QSOX1: variants seen among roughly 807,000 people sequenced by gnomAD.
The protein encoded by QSOX1 is sulfhydryl oxidase 1.
Under a neutral mutation model 76.1 loss-of-function variants are expected in QSOX1, and 40 were observed. That is an observed-to-expected ratio of 0.53 (90% CI 0.41 to 0.68). The LOEUF is 0.68. Ranked by LOEUF, QSOX1 falls within the 30% of genes least tolerant of loss-of-function variation. The probability of loss-of-function intolerance (pLI) is 0.00; values close to 1 mark genes in which losing one functional copy is unlikely to be tolerated. For synonymous variants in QSOX1, 392 were observed against 413.1 expected (o/e 0.95, Z 0.62); for missense variants, 931 against 974.3 (o/e 0.96, Z 0.59).
At chr1:180,166,833 T>C (rs1008576333) in intron 2 of QSOX1, among the ~76,000 whole-genome samples, 2 of 152,190 alleles carry the variant, frequency 1.3e-5, no homozygotes, top group Non-Finnish European at 2.9e-5. Flanking sequence ...GGATTCAGGC[T>C]CTGACCCACC....
At position 180,196,183 on chromosome 1, in the gene QSOX1, G is replaced by C; in HGVS notation, c.1469-79G>C. The C allele has an allele frequency of 4.0e-6, 6 of 1,503,022 alleles. No homozygotes were observed. The highest frequency in any genetic ancestry group is 5.4e-6 in the Non-Finnish European group (6 of 1,115,870). 93.1% of individuals were successfully genotyped at this position (1,503,022 alleles called of 1,614,324 possible). A position where few individuals can be genotyped will look rare whatever the true frequency, so the allele number is the denominator to read the frequency against. On this transcript the variant is annotated intron_variant, in intron 11 of 11. Transcript: ENST00000367602. The surrounding 1 kb of genome is among the most constrained non-coding windows in gnomAD (Gnocchi z 4.1). ...CCTTTCTGCAGACAAGGAAGCTGGC[G>C]TTCTGAGTGGAGGAGTGTGGTCTGG...
chr1:180,163,054 T>C (rs547138276), intron 1 of QSOX1, among the ~76,000 whole-genome samples: 5 of 152,016 alleles, frequency 3.3e-5, no homozygotes, highest in Non-Finnish European at 7.4e-5. Flanking sequence ...AACAGATCAA[T>C]ACTTCAAGAA....
At position 180,157,343 on chromosome 1, in the gene QSOX1, G is replaced by T. The variant is rs540514681; in HGVS notation, c.265+2171G>T. Among the ~76,000 whole-genome samples, 6 of 152,330 alleles carry T rather than the reference G, an allele frequency of 3.9e-5. No homozygotes were observed. The East Asian group carries it at 5.8e-4, about 15-fold the overall frequency. ...ATGTCCTCCACTCTAACCCAAAGGG[G>T]TGTTCCCTGGTGAGGCCCTGCTGAG... On this transcript the variant is annotated intron_variant, in intron 1 of 11. Coordinates refer to ENST00000367602, the MANE Select transcript of QSOX1 (RefSeq NM_002826.5).
chr1:180,170,736 C>T (rs997085098), intron 2 of QSOX1, among the ~76,000 whole-genome samples: 3 of 152,228 alleles, frequency 2.0e-5, no homozygotes, highest in Admixed American at 6.5e-5. Context: ...AATAAGGATA[C>T]ATTTTAATCA....
At position 180,196,941 on chromosome 1, in the gene QSOX1, C is replaced by G. The variant is rs1053116163; in HGVS notation, c.2148C>G (p.Leu716=). The part of the protein sequence containing the change: ...SYLDISLCVG[L]YSLSFMGLLA... ...TGGACATCAGCCTCTGTGTGGGGCT[C>G]TATTCCCTGTCCTTCATGGGCCTGC... is the stretch of plus-strand genomic sequence containing the variant. Residue 716 remains leucine (L), a synonymous_variant, in exon 12 of 12, where the codon CTC becomes CTG. Transcript: ENST00000367602. The surrounding 1 kb of genome is among the most constrained non-coding windows in gnomAD (Gnocchi z 4.1). 3 of 1,607,898 alleles carry G rather than the reference C, an allele frequency of 1.9e-6. No individual in the cohort carries two copies. The highest frequency in any genetic ancestry group is 1.1e-5 in the South Asian group (1 of 90,328).
At chr1:180,171,275 T>C (rs1485067581) in intron 2 of QSOX1, among the ~76,000 whole-genome samples, 4 of 152,176 alleles carry the variant, frequency 2.6e-5, no homozygotes, top group Non-Finnish European at 5.9e-5. Context: ...AGAGGACTTT[T>C]GAAGAGGTAA....
chr1:180,178,764 C>T (rs774448831), intron 4 of QSOX1, 30 bp from the exon 5 acceptor site: 23 of 1,593,992 alleles, frequency 1.4e-5, no homozygotes, highest in African/African-American at 2.7e-5. Context: ...GCTGGCTGTG[C>T]AGAGTGACTG....
intron 2 of QSOX1, among the ~76,000 whole-genome samples, chr1:180,169,717 A>G (rs890239932): frequency 3.9e-5 from 6 of 152,342 alleles, no homozygotes; most frequent in African/African-American, 1.4e-4. Context: ...GTGGCAGTCC[A>G]TCCATCTGTC....
Position 180,196,057 on chromosome 1 carries a change from GCCT to G in QSOX1, c.1469-196_1469-194del, listed in dbSNP as rs1344818837. ...CCGGGGCTGAGGGGTAGGTGGATCT[GCCT>G]CCTCCTCCATGCTGCCATCTGTTGA... is the stretch of plus-strand genomic sequence containing the variant. On this transcript the variant is annotated intron_variant, in intron 11 of 11. Transcript: ENST00000367602. This position sits in a 1 kb window ranked among gnomAD's most constrained non-coding sequence, Gnocchi z 4.1. Among the ~76,000 whole-genome samples the G allele has an allele frequency of 1.3e-5, 2 of 152,144 alleles. No homozygotes were observed. Among genetic ancestry groups the G allele is most frequent in the Non-Finnish European group, 2.9e-5 (2 of 68,018 alleles).
rs879505684 is a variant in QSOX1, at chr1:180,154,959, C to CTGCTGT, written c.53_58dup (p.Leu18_Leu19dup). 8.7e-5 allele frequency: 130 copies of CTGCTGT among 1,500,452 alleles called. No homozygotes were observed. In the East Asian group the frequency reaches 3.6e-3, roughly 41 times the overall value. 92.9% of individuals were successfully genotyped at this position (1,500,452 alleles called of 1,614,324 possible). A position where few individuals can be genotyped will look rare whatever the true frequency, so the allele number is the denominator to read the frequency against. ...GCCGCCGCCGTCGCTGCTGCTGCTG[C>CTGCTGT]TGCTGTGGCTGCTCGCGGTTCCCGG... On this transcript the variant is annotated inframe_insertion, in exon 1 of 12. Coordinates refer to ENST00000367602, the MANE Select transcript of QSOX1 (RefSeq NM_002826.5).
intron 1 of QSOX1, among the ~76,000 whole-genome samples, chr1:180,165,646 C>T (rs1276961791): frequency 1.3e-5 from 2 of 152,264 alleles, no homozygotes; most frequent in East Asian, 3.8e-4. Flanking sequence ...CCACTGCCCT[C>T]TCACGGCTTG....
rs902177334 is a variant in QSOX1 at position 180,201,028 on chromosome 1, C to G, written c.*3991C>G. On this transcript the variant is annotated 3_prime_UTR_variant, in exon 12 of 12. Coordinates refer to ENST00000367602, the MANE Select transcript of QSOX1 (RefSeq NM_002826.5). ...AGGCTGAAGTGCCCTGTCTCGGGTC[C>G]TTGTTTTTAGGCCTCGTTTGAAGGA... 2 of 152,194 alleles carry G rather than the reference C, an allele frequency of 1.3e-5. No individual in the cohort carries two copies. The highest frequency in any genetic ancestry group is 1.3e-4 in the Admixed American group (2 of 15,282). The allele number at this position is 152,194 out of a possible 1,614,324, so 9.4% of individuals were successfully genotyped here.
At chr1:180,180,208 T>G (rs1245710536) in intron 5 of QSOX1, among the ~76,000 whole-genome samples, 1 of 152,234 alleles carries the variant, frequency 6.6e-6, no homozygotes, top group East Asian at 1.9e-4. Context: ...TTATATTTAT[T>G]TATTTATTTT....
intron 1 of QSOX1, among the ~76,000 whole-genome samples, chr1:180,161,262 G>C (rs1358119224): frequency 6.6e-6 from 1 of 152,186 alleles, no homozygotes; most frequent in Non-Finnish European, 1.5e-5. Flanking sequence ...CATAAGTGTG[G>C]CAAGAATAGT....
intron 1 of QSOX1, among the ~76,000 whole-genome samples, chr1:180,156,576 ATGTG>A (rs1241939361): frequency 6.6e-6 from 1 of 152,234 alleles, no homozygotes; most frequent in Non-Finnish European, 1.5e-5. Context: ...AGATGGAACC[ATGTG>A]TACATCTTTT....
chr1:180,191,686 CG>C (rs2149242300), intron 10 of QSOX1, among the ~76,000 whole-genome samples: 1 of 152,312 alleles, frequency 6.6e-6, no homozygotes, highest in South Asian at 2.1e-4. Context: ...AGTGCCGGAG[CG>C]GGTGCTGTCT....
chr1:180,196,431 A>C lies in QSOX1; in HGVS notation c.1638A>C (p.Ala546=). ...GCAACATCATCCTGGACTTCCCTGC[A>C]GCTGGGTCAGCTGCCCGGAGGGATG... ...SPSNIILDFP[A]AGSAARRDVQ... is the part of the protein sequence containing the mutation. The change falls in exon 12 of 12, where the codon GCA becomes GCC. Residue 546 remains alanine, a synonymous_variant. Coordinates refer to ENST00000367602, the MANE Select transcript of QSOX1 (RefSeq NM_002826.5). The surrounding 1 kb of genome is among the most constrained non-coding windows in gnomAD (Gnocchi z 4.1). 4 of 1,614,176 alleles carry C rather than the reference A, an allele frequency of 2.5e-6. No homozygotes were observed. The highest frequency in any genetic ancestry group is 1.7e-5 in the Admixed American group (1 of 60,022).
At chr1:180,191,859 G>A (rs375910087) in intron 10 of QSOX1, among the ~76,000 whole-genome samples, 4 of 152,090 alleles carry the variant, frequency 2.6e-5, no homozygotes, top group African/African-American at 9.7e-5. Flanking sequence ...GCCAGTAGAC[G>A]TCTGTTGTCT....
Position 180,196,573 on chromosome 1 carries a change from C to T in QSOX1, c.1780C>T (p.Pro594Ser). ...EMMKSPTNTT[P>S]HVPAEGPEAS... is the part of the protein sequence containing the mutation. ...GATGAAGTCCCCCACAAACACCACC[C>T]CACATGTGCCGGCTGAGGGACCTGA... Residue 594 changes from proline (P) to serine (S), a missense_variant, in exon 12 of 12, where the codon CCA becomes TCA. Transcript: ENST00000367602. The surrounding 1 kb of genome is among the most constrained non-coding windows in gnomAD (Gnocchi z 4.1). 5.0e-6 allele frequency: 8 copies of T among 1,614,244 alleles called. No homozygotes were observed. Among genetic ancestry groups the T allele is most frequent in the Non-Finnish European group, 6.8e-6 (8 of 1,180,046 alleles).
Sources: gnomAD v4.1 joint callset for allele counts (sites outside exome capture counted in the v4.1 genomes callset) on GRCh38, gnomAD v4.1.1 for gene constraint, Gnocchi (gnomAD v3.1) non-coding constraint, MANE v1.5 for transcripts, NCBI Gene and HGNC (gene_info 2026-07-23, HGNC 2026-07-21) for gene names.